PHLDB2: variants seen among roughly 807,000 people sequenced by gnomAD.
PHLDB2 encodes pleckstrin homology-like domain family B member 2.
Under a neutral mutation model 123.6 loss-of-function variants are expected in PHLDB2, and 71 were observed. The observed-to-expected ratio is 0.57, with a 90% CI of 0.47 to 0.70. The LOEUF is 0.70. Among genes scored for constraint, PHLDB2 ranks in the 30% least tolerant of loss-of-function variants. The probability of loss-of-function intolerance (pLI) is 0.00; values close to 1 mark genes in which losing one functional copy is unlikely to be tolerated. For missense variants in PHLDB2, 1,446 were observed against 1,519.5 expected (o/e 0.95, Z 0.80); for synonymous variants, 547 against 541.6 (o/e 1.01, Z -0.14).
At chr3:111,913,219 G>T in intron 2 of PHLDB2, 100 bp from the exon 3 acceptor site, 1 of 1,291,020 alleles carries the variant, frequency 7.7e-7, no homozygotes. Flanking sequence ...TTTATGTATG[G>T]AATGCAAGCA....
At position 111,913,843 on chromosome 3, in the gene PHLDB2, C is replaced by T. The variant is rs1308195946; in HGVS notation, c.1719+141C>T. Reference sequence around the variant, plus strand: ...TCAATTTAAGAGGTCATTAGCTGAGCGAGGTGCAGCAAATTAGGGTGTTTA... The same window carrying T: ...TCAATTTAAGAGGTCATTAGCTGAGTGAGGTGCAGCAAATTAGGGTGTTTA... On this transcript the variant is annotated intron_variant, in intron 3 of 17. Coordinates refer to ENST00000431670, the MANE Select transcript of PHLDB2 (RefSeq NM_001134438.2). 9.6e-6 allele frequency: 11 copies of T among 1,143,952 alleles called. No individual in the cohort carries two copies. The South Asian group carries it at 1.1e-4, about 11-fold the overall frequency. 70.9% of individuals were successfully genotyped at this position (1,143,952 alleles called of 1,614,324 possible). A position where few individuals can be genotyped will look rare whatever the true frequency, so the allele number is the denominator to read the frequency against.
chr3:111,974,589 GGGCA>G lies in PHLDB2; in HGVS notation c.*28_*31del. On this transcript the variant is annotated 3_prime_UTR_variant, in exon 18 of 18. Coordinates refer to ENST00000431670, the MANE Select transcript of PHLDB2 (RefSeq NM_001134438.2). ...TGAACTGAGGCAACAGTCCACTTCA[GGGCA>G]GACGGCAATAATCTCTTACAAGAAT... 6.3e-7 allele frequency: 1 copy of G among 1,577,158 alleles called. No homozygotes were observed. The highest frequency in any genetic ancestry group is 8.6e-7 in the Non-Finnish European group (1 of 1,161,050).
chr3:111,862,864 C>G (rs1449843211), intron 1 of PHLDB2, among the ~76,000 whole-genome samples: 1 of 152,128 alleles, frequency 6.6e-6, no homozygotes, highest in Non-Finnish European at 1.5e-5. Context: ...TCTACCCCTT[C>G]TTTTTATAGA....
chr3:111,828,430 CT>C (rs150833156), intron 1 of PHLDB2, among the ~76,000 whole-genome samples: 2,468 of 152,296 alleles, frequency 0.016, 62 homozygotes, highest in African/African-American at 0.049. Flanking sequence ...CTCAGGTAAT[CT>C]ATGAACACAT....
intron 2 of PHLDB2, among the ~76,000 whole-genome samples, chr3:111,886,251 A>T (rs1237295436): frequency 6.6e-6 from 1 of 152,224 alleles, no homozygotes; most frequent in Non-Finnish European, 1.5e-5. Flanking sequence ...CAGTAGGATT[A>T]TCAGTGTTTT....
chr3:111,767,594 A>G (rs2060104398), intron 1 of PHLDB2, among the ~76,000 whole-genome samples: 1 of 152,200 alleles, frequency 6.6e-6, no homozygotes, highest in African/African-American at 2.4e-5. Context: ...TCAGGATGAT[A>G]ATCATGACTT....
intron 1 of PHLDB2, among the ~76,000 whole-genome samples, chr3:111,747,819 T>C (rs1324218757): frequency 6.6e-6 from 1 of 152,236 alleles, no homozygotes; most frequent in Admixed American, 6.5e-5. Context: ...TTGGGTTGTG[T>C]CTTTTTGTAT....
At chr3:111,934,353 A>G (rs1433972073) in intron 6 of PHLDB2, among the ~76,000 whole-genome samples, 1 of 152,196 alleles carries the variant, frequency 6.6e-6, no homozygotes, top group African/African-American at 2.4e-5. Context: ...GTGTTATCAC[A>G]GCTTATCTCC....
intron 12 of PHLDB2, chr3:111,958,837 G>A: frequency 4.7e-6 from 2 of 422,972 alleles, no homozygotes; most frequent in Non-Finnish European, 9.3e-6. Context: ...TCCCAATCTT[G>A]TTTCTTTGCT....
At chr3:111,898,411 G>A (rs957258295) in intron 2 of PHLDB2, among the ~76,000 whole-genome samples, 3 of 152,082 alleles carry the variant, frequency 2.0e-5, no homozygotes, top group African/African-American at 7.2e-5. Context: ...TCGAACTCCT[G>A]ATCTCAAGTG....
intron 1 of PHLDB2, among the ~76,000 whole-genome samples, chr3:111,790,244 C>G (rs2060857869): frequency 6.6e-6 from 1 of 152,128 alleles, no homozygotes; most frequent in Admixed American, 6.5e-5. Context: ...AAAGACCACT[C>G]TCCATTTAGA....
chr3:111,832,375 T>C (rs957114018), intron 1 of PHLDB2, among the ~76,000 whole-genome samples: 1 of 141,052 alleles, frequency 7.1e-6, no homozygotes, highest in Admixed American at 7.1e-5. Flanking sequence ...TCTTATTTTT[T>C]AAAAAAACAA....
At chr3:111,901,543 A>G (rs1006288975) in intron 2 of PHLDB2, among the ~76,000 whole-genome samples, 10 of 151,024 alleles carry the variant, frequency 6.6e-5, no homozygotes, top group African/African-American at 2.2e-4. Context: ...AAAGGATAGG[A>G]TATGTTTTCA....
intron 1 of PHLDB2, among the ~76,000 whole-genome samples, chr3:111,815,471 T>A (rs1292784707): frequency 6.6e-6 from 1 of 152,118 alleles, no homozygotes; most frequent in Non-Finnish European, 1.5e-5. Context: ...CAGATGAAGA[T>A]GAGGAATTTG....
At chr3:111,966,892 G>A (rs1220074493) in intron 14 of PHLDB2, among the ~76,000 whole-genome samples, 189 bp downstream of exon 14, 1 of 151,810 alleles carries the variant, frequency 6.6e-6, no homozygotes, top group Non-Finnish European at 1.5e-5. Flanking sequence ...CTACTGCAGT[G>A]GATTTTCCAT....
At chr3:111,739,145 TTTTAA>T (rs1269000922) in intron 1 of PHLDB2, among the ~76,000 whole-genome samples, 2 of 152,202 alleles carry the variant, frequency 1.3e-5, no homozygotes. Flanking sequence ...ACAGAAATAA[TTTTAA>T]TTTATCTAGG....
At chr3:111,746,231 C>A (rs2059680276) in intron 1 of PHLDB2, among the ~76,000 whole-genome samples, 1 of 152,134 alleles carries the variant, frequency 6.6e-6, no homozygotes, top group African/African-American at 2.4e-5. Flanking sequence ...AATGCTTATT[C>A]CTTCTGTTGA....
intron 1 of PHLDB2, among the ~76,000 whole-genome samples, chr3:111,845,358 A>C (rs1222066052): frequency 3.5e-5 from 1 of 28,184 alleles, no homozygotes; most frequent in East Asian, 1.3e-3. Flanking sequence ...CTGTCTCAAA[A>C]AAAAAAAAAA....
chr3:111,820,160 G>A lies in PHLDB2; in HGVS notation c.-48-25661G>A, dbSNP rs142872578. ...ATGTAGAATCACAGCATTGGCAGGG[G>A]ACTTGGTGGTCAGCTAATCTAAACC... On this transcript the variant is annotated intron_variant, in intron 1 of 17. Coordinates refer to the PHLDB2 transcript ENST00000393923. Among the ~76,000 whole-genome samples, 1,055 of 152,288 alleles carry A rather than the reference G, an allele frequency of 6.9e-3. 2 individuals carry two copies. Among genetic ancestry groups the A allele is most frequent in the Admixed American group, 0.015 (223 of 15,288 alleles).
Sources: gnomAD v4.1 joint callset for allele counts (sites outside exome capture counted in the v4.1 genomes callset) on GRCh38, gnomAD v4.1.1 for gene constraint, MANE v1.5 for transcripts, NCBI Gene and HGNC (gene_info 2026-07-23, HGNC 2026-07-21) for gene names.